The following PTPN4 variants were observed in gnomAD, a reference collection of about 807,000 sequenced individuals.
The protein encoded by PTPN4 is protein tyrosine phosphatase non-receptor type 4.
Under a neutral mutation model 135.5 loss-of-function variants are expected in PTPN4, and 49 were observed. The ratio of observed to expected loss-of-function variants is 0.36; its 90% CI spans 0.29 to 0.46. PTPN4 has a LOEUF of 0.46. Among genes scored for constraint, PTPN4 ranks in the 20% least tolerant of loss-of-function variants. The probability of loss-of-function intolerance (pLI) is 1.00; values close to 1 mark genes in which losing one functional copy is unlikely to be tolerated. For synonymous variants in PTPN4, 333 were observed against 369.9 expected (o/e 0.90, Z 1.14); for missense variants, 860 against 1,101.0 (o/e 0.78, Z 3.10).
chr2:119,972,185 A>AAC (rs397795282), intron 26 of PTPN4, among the ~76,000 whole-genome samples: 6 of 151,614 alleles, frequency 4.0e-5, no homozygotes, highest in East Asian at 1.9e-4. Flanking sequence ...TAAAAAAAAA[A>AAC]CCAGCAACCA....
chr2:119,786,783 T>C (rs569883004), intron 1 of PTPN4, among the ~76,000 whole-genome samples: 82 of 152,294 alleles, frequency 5.4e-4, no homozygotes, highest in South Asian at 1.4e-3. Flanking sequence ...CCTCTTGGTG[T>C]AGTGGCAAAA....
chr2:119,953,539 T>C (rs541162439), intron 19 of PTPN4, among the ~76,000 whole-genome samples: 16 of 152,344 alleles, frequency 1.1e-4, no homozygotes, highest in Non-Finnish European at 2.2e-4. Context: ...GACTTGATAC[T>C]TAGGTGAGTC....
Position 119,881,867 on chromosome 2 carries a change from T to C in PTPN4, c.413+37T>C, listed in dbSNP as rs201520950. ...AAATTTCTTAAAAAATTTTTTGTAA[T>C]GGACTTTAAAAATACTTTTTAAATC... On this transcript the variant is annotated intron_variant, in intron 6 of 26. Coordinates refer to ENST00000263708, the MANE Select transcript of PTPN4 (RefSeq NM_002830.4). 17 of 1,428,964 alleles carry C rather than the reference T, an allele frequency of 1.2e-5. No individual in the cohort carries two copies. The East Asian group carries it at 3.7e-4, about 31-fold the overall frequency. 88.5% of individuals were successfully genotyped at this position (1,428,964 alleles called of 1,614,324 possible).
intron 2 of PTPN4, among the ~76,000 whole-genome samples, chr2:119,817,560 T>A (rs1677005318): frequency 6.6e-6 from 1 of 152,186 alleles, no homozygotes; most frequent in South Asian, 2.1e-4. Context: ...TGTTTTTGGT[T>A]ACTGTAGCCC....
intron 22 of PTPN4, among the ~76,000 whole-genome samples, chr2:119,957,825 A>G (rs1679310652): frequency 6.6e-6 from 1 of 152,164 alleles, no homozygotes; most frequent in Non-Finnish European, 1.5e-5. Context: ...TCATCTATAA[A>G]TACTTTACCT....
At chr2:119,933,008 A>G (rs1228711768) in intron 14 of PTPN4, among the ~76,000 whole-genome samples, 6 of 152,160 alleles carry the variant, frequency 3.9e-5, no homozygotes, top group South Asian at 2.1e-4. Context: ...GCCTAGGAAA[A>G]GGGGTTTCCA....
intron 9 of PTPN4, among the ~76,000 whole-genome samples, chr2:119,893,922 G>A (rs113104426): frequency 1.1e-4 from 16 of 152,036 alleles, no homozygotes; most frequent in African/African-American, 2.9e-4. Flanking sequence ...AAACAAAAAC[G>A]GAGAACAGTA....
intron 15 of PTPN4, among the ~76,000 whole-genome samples, chr2:119,935,745 G>C (rs1299316925): frequency 1.3e-5 from 2 of 152,044 alleles, no homozygotes; most frequent in Non-Finnish European, 2.9e-5. Flanking sequence ...CTTTCCAGTT[G>C]ATTTTTAATA....
At chr2:119,862,129 AT>A (rs755024727) in intron 2 of PTPN4, among the ~76,000 whole-genome samples, 3 of 152,352 alleles carry the variant, frequency 2.0e-5, no homozygotes, top group African/African-American at 4.8e-5. Context: ...AACTAAAAAA[AT>A]ATCGTGATAG....
chr2:119,836,985 G>A (rs986887032), intron 2 of PTPN4, among the ~76,000 whole-genome samples: 1 of 152,186 alleles, frequency 6.6e-6, no homozygotes, highest in South Asian at 2.1e-4. Flanking sequence ...GATTGATGGC[G>A]GCAGGAAGCT....
intron 2 of PTPN4, among the ~76,000 whole-genome samples, chr2:119,835,766 C>T (rs1211147163): frequency 6.6e-6 from 1 of 152,006 alleles, no homozygotes; most frequent in East Asian, 1.9e-4. Context: ...AGGAGAGCAT[C>T]TTTAGAAATG....
At chr2:119,772,753 G>A (rs1454303591) in intron 1 of PTPN4, among the ~76,000 whole-genome samples, 3 of 152,074 alleles carry the variant, frequency 2.0e-5, no homozygotes, top group Non-Finnish European at 2.9e-5. Flanking sequence ...TGGCCAGGCT[G>A]GTCTTGAACT....
chr2:119,957,094 T>C lies in PTPN4; in HGVS notation c.2133+17T>C, dbSNP rs1244027760. 2 of 1,590,034 alleles carry C rather than the reference T, an allele frequency of 1.3e-6. No individual in the cohort carries two copies. The highest frequency in any genetic ancestry group is 1.7e-6 in the Non-Finnish European group (2 of 1,168,598). On this transcript the variant is annotated intron_variant, in intron 22 of 26. Transcript: ENST00000263708. The stretch of plus-strand genomic sequence containing the variant: ...TATATAAATGTAAGTTTATTCTTAT[T>C]ATGCCTTTGCCATTTGGAAAAATAC...
chr2:119,818,923 C>T (rs1574350662), intron 2 of PTPN4, among the ~76,000 whole-genome samples: 2 of 152,314 alleles, frequency 1.3e-5, no homozygotes, highest in South Asian at 2.1e-4. Context: ...AACTGCACAA[C>T]CTCTGAAATC....
At chr2:119,925,548 T>G (rs1678812098) in intron 12 of PTPN4, among the ~76,000 whole-genome samples, 2 of 152,168 alleles carry the variant, frequency 1.3e-5, no homozygotes, top group African/African-American at 4.8e-5. Context: ...AAGCACTTTT[T>G]AATCATCCAA....
At chr2:119,847,206 T>C (rs1240754715) in intron 2 of PTPN4, among the ~76,000 whole-genome samples, 2 of 147,126 alleles carry the variant, frequency 1.4e-5, no homozygotes, top group African/African-American at 5.0e-5. Context: ...AGTATATATA[T>C]ACACACATAT....
intron 2 of PTPN4, among the ~76,000 whole-genome samples, chr2:119,820,783 G>A (rs191537913): frequency 6.6e-6 from 1 of 151,604 alleles, no homozygotes; most frequent in Non-Finnish European, 1.5e-5. Context: ...TCAATAATTA[G>A]ACTTAATAAT....
intron 1 of PTPN4, among the ~76,000 whole-genome samples, chr2:119,802,512 TATTG>T (rs1003559947): frequency 1.3e-5 from 2 of 152,250 alleles, no homozygotes; most frequent in Non-Finnish European, 2.9e-5. Flanking sequence ...AGGTGGATTA[TATTG>T]ATTGATTGTT....
intron 2 of PTPN4, among the ~76,000 whole-genome samples, chr2:119,830,083 A>G (rs1186105939): frequency 6.6e-6 from 1 of 152,154 alleles, no homozygotes; most frequent in East Asian, 1.9e-4. Context: ...CATTTACTGC[A>G]TAATAATGTT....
Sources: gnomAD v4.1 joint callset for allele counts (sites outside exome capture counted in the v4.1 genomes callset) on GRCh38, gnomAD v4.1.1 for gene constraint, MANE v1.5 for transcripts, NCBI Gene and HGNC (gene_info 2026-07-23, HGNC 2026-07-21) for gene names.